DPP10: variants seen among roughly 807,000 people sequenced by gnomAD.
DPP10 encodes the protein inactive dipeptidyl peptidase 10.
A neutral mutation model predicts 120.9 loss-of-function variants in DPP10; 33 were observed. That is an observed-to-expected ratio of 0.27 (90% confidence interval 0.21 to 0.37). DPP10 has a LOEUF of 0.37. Among genes scored for constraint, DPP10 ranks in the 10% least tolerant of loss-of-function variants. DPP10 has a pLI of 1.00. For synonymous variants in DPP10, 337 were observed against 326.1 expected (o/e 1.03, Z -0.36); for missense variants, 816 against 942.8 (o/e 0.87, Z 1.76).
At position 115,766,328 on chromosome 2, in the gene DPP10, A is replaced by G. The variant is rs1190390377; in HGVS notation, c.1114-1969A>G. ...TGTGTGTGTATATATATATATATGT[A>G]TATATATATGTATATATATATATAT... On this transcript the variant is annotated intron_variant, in intron 12 of 25. Coordinates refer to ENST00000410059, the MANE Select transcript of DPP10 (RefSeq NM_020868.6). 1.9e-3 allele frequency among the ~76,000 whole-genome samples: 155 copies of G among 82,660 alleles called. 2 individuals are homozygous for G. Among genetic ancestry groups the G allele is most frequent in the Admixed American group, 5.4e-3 (41 of 7,600 alleles). The allele number at this position is 82,660 out of a possible 152,430, so 54.2% of individuals were successfully genotyped here.
chr2:114,571,937 A>G (rs1393286602), intron 1 of DPP10, among the ~76,000 whole-genome samples: 3 of 148,684 alleles, frequency 2.0e-5, no homozygotes, highest in African/African-American at 7.3e-5. Flanking sequence ...TACATGTAGT[A>G]TATAATATTT....
intron 8 of DPP10, among the ~76,000 whole-genome samples, chr2:115,728,855 A>G (rs2092830892): frequency 6.6e-6 from 1 of 152,174 alleles, no homozygotes; most frequent in Non-Finnish European, 1.5e-5. Context: ...ACGGAGCAAA[A>G]AGTACTGCTC....
Position 115,300,922 on chromosome 2 carries a change from A to C in DPP10, c.61-8317A>C, listed in dbSNP as rs572138637. Among the ~76,000 whole-genome samples the C allele has an allele frequency of 2.6e-5, 4 of 152,014 alleles. No individual in the cohort carries two copies. The East Asian group carries it at 7.8e-4, about 30-fold the overall frequency. On this transcript the variant is annotated intron_variant, in intron 1 of 25. Coordinates refer to ENST00000410059, the MANE Select transcript of DPP10 (RefSeq NM_020868.6). ...TATGCCTTGTGATCTTTTGTTGAAA[A>C]TTGGGTGTCTGAAAAATCAGACACT...
intron 2 of DPP10, among the ~76,000 whole-genome samples, chr2:115,318,697 A>G (rs1039567845): frequency 6.6e-6 from 1 of 152,068 alleles, no homozygotes; most frequent in Admixed American, 6.6e-5. Context: ...ATAGAACCTT[A>G]ATATTCTTTT....
At chr2:115,787,542 C>G (rs1043268806) in intron 17 of DPP10, among the ~76,000 whole-genome samples, 1 of 152,074 alleles carries the variant, frequency 6.6e-6, no homozygotes, top group African/African-American at 2.4e-5. Context: ...TGGAAAATTT[C>G]TTGACACAAA....
rs906457436 is a variant in DPP10, at chr2:115,369,927, G to A, written c.271+26015G>A. Among the ~76,000 whole-genome samples the A allele has an allele frequency of 3.2e-4, 48 of 152,174 alleles. 1 individual carries two copies. Among genetic ancestry groups the A allele is most frequent in the South Asian group, 6.2e-4 (3 of 4,826 alleles). On this transcript the variant is annotated intron_variant, in intron 3 of 25. Transcript: ENST00000410059. Reference sequence around the variant, plus strand: ...TGTAAATCCATCTCTAATGCACAGAGAGCTGCACGTGGAAGAAAATGTGTT... The same window carrying A: ...TGTAAATCCATCTCTAATGCACAGAAAGCTGCACGTGGAAGAAAATGTGTT...
intron 3 of DPP10, among the ~76,000 whole-genome samples, chr2:115,378,204 T>C (rs1291951045): frequency 6.6e-6 from 1 of 152,140 alleles, no homozygotes; most frequent in African/African-American, 2.4e-5. Flanking sequence ...GTCCTTCCAT[T>C]TGTTTGTATC....
intron 1 of DPP10, among the ~76,000 whole-genome samples, chr2:115,022,504 A>T (rs1703149118): frequency 6.6e-6 from 1 of 152,140 alleles, no homozygotes; most frequent in Non-Finnish European, 1.5e-5. Context: ...AACATAGATG[A>T]CACACACAAA....
chr2:115,025,904 G>T (rs1257939870), intron 1 of DPP10, among the ~76,000 whole-genome samples: 2 of 151,904 alleles, frequency 1.3e-5, no homozygotes, highest in East Asian at 1.9e-4. Context: ...TGAGCTCCTT[G>T]TGTGTTCTGG....
intron 1 of DPP10, among the ~76,000 whole-genome samples, chr2:114,641,930 G>C (rs1013124405): frequency 3.3e-5 from 5 of 151,784 alleles, no homozygotes; most frequent in African/African-American, 1.2e-4. Context: ...GCGTGACAAA[G>C]CAGATACACT....
intron 1 of DPP10, among the ~76,000 whole-genome samples, chr2:114,550,277 T>A (rs1267898680): frequency 6.6e-6 from 1 of 152,222 alleles, no homozygotes; most frequent in Non-Finnish European, 1.5e-5. Flanking sequence ...TCTCCATGAT[T>A]TAACTGGCTT....
At chr2:115,449,951 C>G (rs1033503848) in intron 3 of DPP10, among the ~76,000 whole-genome samples, 1 of 151,942 alleles carries the variant, frequency 6.6e-6, no homozygotes, top group Non-Finnish European at 1.5e-5. Flanking sequence ...ATAGTAAAAT[C>G]TAGAGGAGTG....
chr2:115,475,766 G>A (rs1390532054), intron 3 of DPP10, among the ~76,000 whole-genome samples: 2 of 152,184 alleles, frequency 1.3e-5, no homozygotes, highest in Non-Finnish European at 2.9e-5. Flanking sequence ...AGTGTGACCT[G>A]GATTGAGACA....
chr2:115,770,605 A>G (rs1425430330), intron 13 of DPP10, among the ~76,000 whole-genome samples: 1 of 152,114 alleles, frequency 6.6e-6, no homozygotes, highest in East Asian at 1.9e-4. Flanking sequence ...TTTATACATA[A>G]CTTTGAACAC....
chr2:114,626,816 G>A (rs6542217), intron 1 of DPP10, among the ~76,000 whole-genome samples: 60,022 of 151,918 alleles, frequency 0.4, 13,862 homozygotes, highest in African/African-American at 0.66. Context: ...GAAATTTTGC[G>A]TGTGATTTAC....
At chr2:115,426,959 A>G (rs1026660367) in intron 3 of DPP10, among the ~76,000 whole-genome samples, 2 of 152,262 alleles carry the variant, frequency 1.3e-5, no homozygotes, top group African/African-American at 2.4e-5. Context: ...CAATGAGGTT[A>G]TAGGAATTTG....
At chr2:114,563,413 C>T (rs186103262) in intron 1 of DPP10, among the ~76,000 whole-genome samples, 2 of 152,006 alleles carry the variant, frequency 1.3e-5, no homozygotes, top group Middle Eastern at 3.4e-3. Flanking sequence ...GAAATATTAG[C>T]TGTATGAAGA....
At chr2:115,162,743 C>T (rs139213293) in intron 1 of DPP10, among the ~76,000 whole-genome samples, 2,174 of 152,174 alleles carry the variant, frequency 0.014, 29 homozygotes, top group Admixed American at 0.038. Flanking sequence ...TGTCTCTTTC[C>T]CGTCCGTCTA....
intron 1 of DPP10, among the ~76,000 whole-genome samples, chr2:115,059,346 G>A (rs57230110): frequency 0.17 from 21,323 of 122,110 alleles, 1,679 homozygotes; most frequent in African/African-American, 0.24. Flanking sequence ...ATTACAGTAG[G>A]TATTTCTTTT....
Sources: allele counts gnomAD v4.1 joint callset (sites outside exome capture counted in the v4.1 genomes callset), GRCh38; gene constraint gnomAD v4.1.1; transcripts MANE v1.5; gene names NCBI Gene and HGNC (gene_info 2026-07-23, HGNC 2026-07-21).